COL7A1: variants seen among roughly 807,000 people sequenced by gnomAD.
COL7A1 encodes collagen type VII alpha 1 chain.
Under a neutral mutation model 456.2 loss-of-function variants are expected in COL7A1, and 296 were observed. The observed-to-expected ratio is 0.65, with a 90% confidence interval of 0.59 to 0.71. The LOEUF is 0.71. Ranked by LOEUF, COL7A1 falls within the 30% of genes least tolerant of loss-of-function variation. The pLI, the probability that COL7A1 is intolerant of heterozygous loss-of-function variation, is 0.00. For synonymous variants in COL7A1, 1,464 were observed against 1,525.9 expected (o/e 0.96, Z 0.95); for missense variants, 3,441 against 4,017.2 (o/e 0.86, Z 3.88).
Position 48,593,356 on chromosome 3 carries a change from C to T in COL7A1, c.520G>A (p.Gly174Arg), listed in dbSNP as rs1245411910. 1.9e-6 allele frequency: 3 copies of T among 1,613,996 alleles called. No individual in the cohort carries two copies. The highest frequency in any genetic ancestry group is 1.1e-5 in the South Asian group (1 of 91,082). The change falls in exon 5 of 119, where the codon GGG becomes AGG. Residue 174 changes from glycine to arginine, a missense_variant and splice_region_variant. Physicochemically the swap from Gly to Arg is moderately radical, Grantham distance 125 (BLOSUM62 -2). Around this residue, in one of 3 missense-constraint regions of COL7A1, gnomAD observed 913 missense variants for 1,088.2 expected, o/e 0.84. Transcript: ENST00000681320. The surrounding 1 kb of genome is among the most constrained non-coding windows in gnomAD (Gnocchi z 4.4). Reference protein sequence around the residue: ...KGQGVKLFAVGIKNADPEELK... With the variant: ...KGQGVKLFAVRIKNADPEELK... ...CCTGTCACTCCTGCTCGGTCCTTACCCACAGCAAATAGCTTGACCCCCTGC... is the reference window on the plus strand; with the variant it reads ...CCTGTCACTCCTGCTCGGTCCTTACTCACAGCAAATAGCTTGACCCCCTGC...
Position 48,591,403 on chromosome 3 carries a change from C to CAA in COL7A1, c.1636+60_1636+61insTT, listed in dbSNP as rs936477105. ...GGAAGGAGAGGGCTGGAGGTACACT[C>CAA]AGACCCCTCAGGCTGGAACTTCAGT... On this transcript the variant is annotated intron_variant, in intron 13 of 118. Coordinates refer to ENST00000681320, the MANE Select transcript of COL7A1 (RefSeq NM_000094.4). The surrounding 1 kb of genome is among the most constrained non-coding windows in gnomAD (Gnocchi z 7.0). The CAA allele has an allele frequency of 6.2e-7, 1 of 1,602,608 alleles. No homozygotes were observed. Among genetic ancestry groups the CAA allele is most frequent in the Non-Finnish European group, 8.5e-7 (1 of 1,173,686 alleles).
At position 48,575,622 on chromosome 3, in the gene COL7A1, T is replaced by A. The variant is rs749607047; in HGVS notation, c.5979+4A>T. On this transcript the variant is annotated splice_donor_region_variant and intron_variant, in intron 73 of 118. Coordinates refer to ENST00000681320, the MANE Select transcript of COL7A1 (RefSeq NM_000094.4). This position sits in a 1 kb window ranked among gnomAD's most constrained non-coding sequence, Gnocchi z 6.3. ...GCACAACCCACTGAGCCACTTCTGC[T>A]CACCTCCTTGCCTGGGGGGCCCTGT... is the stretch of plus-strand genomic sequence containing the variant. 1.5e-5 allele frequency: 25 copies of A among 1,613,094 alleles called. No individual in the cohort carries two copies. The highest frequency in any genetic ancestry group is 2.1e-5 in the Non-Finnish European group (25 of 1,180,028).
At position 48,586,801 on chromosome 3, in the gene COL7A1, G is replaced by A; in HGVS notation, c.3277-112C>T. The A allele has an allele frequency of 1.3e-6, 2 of 1,511,234 alleles. No homozygotes were observed. Among genetic ancestry groups the A allele is most frequent in the Non-Finnish European group, 1.8e-6 (2 of 1,115,304 alleles). The allele number at this position is 1,511,234 out of a possible 1,614,324, so 93.6% of individuals were successfully genotyped here. A position where few individuals can be genotyped will look rare whatever the true frequency, so the allele number is the denominator to read the frequency against. On this transcript the variant is annotated intron_variant, in intron 25 of 118. Transcript: ENST00000681320. This position sits in a 1 kb window ranked among gnomAD's most constrained non-coding sequence, Gnocchi z 5.1. Reference sequence around the variant, plus strand: ...GTGTGACCAAACCCTATCTATTAGGGAGTCAGCAGTGATGGCAGGATAGGG... The same window carrying A: ...GTGTGACCAAACCCTATCTATTAGGAAGTCAGCAGTGATGGCAGGATAGGG...
intron 16 of COL7A1, 36 bp from the exon 17 acceptor site, chr3:48,589,754 A>G (rs1414397351): frequency 6.2e-7 from 1 of 1,613,746 alleles, no homozygotes; most frequent in East Asian, 2.2e-5. Context: ...CTGCTGGAAC[A>G]GGCAGGAAGG....
chr3:48,589,079 T>A, intron 18 of COL7A1, 84 bp from the exon 19 acceptor site: 1 of 1,603,518 alleles, frequency 6.2e-7, no homozygotes. Flanking sequence ...GATCTGAAAG[T>A]CAGTGTGAGG....
chr3:48,592,088 C>T lies in COL7A1; in HGVS notation c.1240+14G>A, dbSNP rs1432214401. The T allele has an allele frequency of 6.2e-6, 10 of 1,614,070 alleles. No individual in the cohort carries two copies. Among genetic ancestry groups the T allele is most frequent in the South Asian group, 2.2e-5 (2 of 91,090 alleles). On this transcript the variant is annotated intron_variant, in intron 10 of 118. Coordinates refer to ENST00000681320, the MANE Select transcript of COL7A1 (RefSeq NM_000094.4). The surrounding 1 kb of genome is among the most constrained non-coding windows in gnomAD (Gnocchi z 7.6). ...TGCCCGTCCCAGCCTGAAGAAAGTGCCCAGCCTTCTCACCAGTGCGAGCCA... is the reference window on the plus strand; with the variant it reads ...TGCCCGTCCCAGCCTGAAGAAAGTGTCCAGCCTTCTCACCAGTGCGAGCCA...
Position 48,567,490 on chromosome 3 carries a change from G to C in COL7A1, c.8046+84C>G. ...GTCCCAACCCTCTACAGCCTTCCTT[G>C]TCCCTACACCCCCATGACCCGACCA... On this transcript the variant is annotated intron_variant, in intron 109 of 118. Transcript: ENST00000681320. This position sits in a 1 kb window ranked among gnomAD's most constrained non-coding sequence, Gnocchi z 4.3. The C allele has an allele frequency of 1.3e-6, 2 of 1,578,174 alleles. No homozygotes were observed. Among genetic ancestry groups the C allele is most frequent in the Non-Finnish European group, 1.7e-6 (2 of 1,148,348 alleles).
In COL7A1 at chr3:48,564,933, G is replaced by A. The variant is rs938541239; in HGVS notation, c.8668C>T (p.Leu2890=). ...GTCACAGCCCGATGGTACCAGCGCA[G>A]GGTGTAGGCAGTGCAGGAGCCCTCA... ...LDEGSCTAYT[L]RWYHRAVTGS... The change falls in exon 118 of 119, where the codon CTG becomes TTG. Residue 2890 remains leucine (L), a synonymous_variant. Transcript: ENST00000681320. The surrounding 1 kb of genome is among the most constrained non-coding windows in gnomAD (Gnocchi z 6.0). The A allele has an allele frequency of 1.2e-6, 2 of 1,614,106 alleles. No individual in the cohort carries two copies. The highest frequency in any genetic ancestry group is 1.7e-6 in the Non-Finnish European group (2 of 1,180,044).
rs904476872 is a variant in COL7A1 at position 48,590,240 on chromosome 3, G to T, written c.2023C>A (p.Pro675Thr). 2 of 1,613,646 alleles carry T rather than the reference G, an allele frequency of 1.2e-6. No individual in the cohort carries two copies. Among genetic ancestry groups the T allele is most frequent in the African/African-American group, 2.7e-5 (2 of 74,996 alleles). Residue 675 changes from proline to threonine, a missense_variant, in exon 16 of 119, where the codon CCT (proline) becomes ACT (threonine). This residue lies in a region of COL7A1 where 913 missense variants were observed against 1,088.2 expected (regional missense o/e 0.84). Coordinates refer to ENST00000681320, the MANE Select transcript of COL7A1 (RefSeq NM_000094.4). This position sits in a 1 kb window ranked among gnomAD's most constrained non-coding sequence, Gnocchi z 4.6. Reference protein sequence around the residue: ...VSVLRGREEGPAAVIVARTDP... With the variant: ...VSVLRGREEGTAAVIVARTDP... ...GTTCGAGCCACGATGACTGCAGCAG[G>T]GCCCTCCTCTCTGCCTCGCAGTACC...
chr3:48,571,513 C>G lies in COL7A1; in HGVS notation c.7069-235G>C. The G allele has an allele frequency of 1.4e-6, 1 of 711,108 alleles. No individual in the cohort carries two copies. The highest frequency in any genetic ancestry group is 1.5e-5 in the South Asian group (1 of 66,756). The allele number at this position is 711,108 out of a possible 1,614,324, so 44.0% of individuals were successfully genotyped here. On this transcript the variant is annotated intron_variant, in intron 92 of 118. Coordinates refer to ENST00000681320, the MANE Select transcript of COL7A1 (RefSeq NM_000094.4). This position sits in a 1 kb window ranked among gnomAD's most constrained non-coding sequence, Gnocchi z 4.6. Reference sequence around the variant, plus strand: ...TAGACAGGTGGGAGTTCAGGCATGGCACAGGCACAGGGAGCCCACACGCGA... The same window carrying G: ...TAGACAGGTGGGAGTTCAGGCATGGGACAGGCACAGGGAGCCCACACGCGA...
chr3:48,578,305 C>A lies in COL7A1; in HGVS notation c.5532+16G>T. On this transcript the variant is annotated intron_variant, in intron 65 of 118. Transcript: ENST00000681320. The surrounding 1 kb of genome is among the most constrained non-coding windows in gnomAD (Gnocchi z 4.7). Reference sequence around the variant, plus strand: ...TTCTTGGCAGGTTTCGCCGCAGCTGCCCTGGACACACTCACGTTTTTTCCA... The same window carrying A: ...TTCTTGGCAGGTTTCGCCGCAGCTGACCTGGACACACTCACGTTTTTTCCA... 6.2e-7 allele frequency: 1 copy of A among 1,612,270 alleles called. No individual in the cohort carries two copies. The highest frequency in any genetic ancestry group is 8.5e-7 in the Non-Finnish European group (1 of 1,180,024).
rs202242440 is a variant in COL7A1 at position 48,575,313 on chromosome 3, C to T, written c.6180+26G>A. On this transcript the variant is annotated intron_variant, in intron 74 of 118. Transcript: ENST00000681320. The surrounding 1 kb of genome is among the most constrained non-coding windows in gnomAD (Gnocchi z 6.3). ...ACCCCTCCCAACCCCTCTTCCCTCA[C>T]TCTCCTGGCCAGCCCCCAGCCTCAC... The T allele has an allele frequency of 1.1e-5, 17 of 1,564,098 alleles. No individual in the cohort carries two copies. The East Asian group carries it at 3.6e-4, about 33-fold the overall frequency.
rs1289981393 is a variant in COL7A1 at position 48,583,556 on chromosome 3, C to T, written c.4401G>A (p.Gln1467=). ...LPGQPGSPGE[Q]GPRGPPGAIG... is the part of the protein sequence containing the mutation. ...CAGAATCCCTGGCCCCTCCACTCAC[C>T]TGCTCACCCGGAGACCCAGGTTGTC... Residue 1467 remains glutamine (Q), a splice_region_variant and synonymous_variant, in exon 41 of 119, where the codon CAG becomes CAA. Transcript: ENST00000681320. This position sits in a 1 kb window ranked among gnomAD's most constrained non-coding sequence, Gnocchi z 5.1. 4.3e-6 allele frequency: 7 copies of T among 1,613,982 alleles called. No individual in the cohort carries two copies. The highest frequency in any genetic ancestry group is 5.9e-6 in the Non-Finnish European group (7 of 1,180,036).
At position 48,575,217 on chromosome 3, in the gene COL7A1, C is replaced by G; in HGVS notation, c.6206G>C (p.Arg2069Pro). 1 of 1,614,068 alleles carries G rather than the reference C, an allele frequency of 6.2e-7. No homozygotes were observed. The highest frequency in any genetic ancestry group is 8.5e-7 in the Non-Finnish European group (1 of 1,179,994). Residue 2069 changes from arginine to proline, a missense_variant, in exon 75 of 119, where the codon CGT (arginine) becomes CCT (proline). Physicochemically the swap from Arg to Pro is moderately radical, Grantham distance 103 (BLOSUM62 -2). This residue lies in a region of COL7A1 where 2,084 missense variants were observed against 2,501.3 expected (regional missense o/e 0.83). Transcript: ENST00000681320. This position sits in a 1 kb window ranked among gnomAD's most constrained non-coding sequence, Gnocchi z 6.3. ...CCCATCGCAGCCCACCTGTTCTCCACGTTCTCCTTTCTCTCCCCGTTCTCC... is the reference window on the plus strand; with the variant it reads ...CCCATCGCAGCCCACCTGTTCTCCAGGTTCTCCTTTCTCTCCCCGTTCTCC... Reference protein sequence around the residue: ...ERGERGEKGERGEQGRDGPPG... With the variant: ...ERGERGEKGEPGEQGRDGPPG...
rs1166076875 is a variant in COL7A1 at position 48,564,978 on chromosome 3, G to A, written c.8623C>T (p.Pro2875Ser). 1.2e-6 allele frequency: 2 copies of A among 1,614,058 alleles called. No individual in the cohort carries two copies. The highest frequency in any genetic ancestry group is 1.6e-4 in the Middle Eastern group (1 of 6,084). The change falls in exon 118 of 119, where the codon CCC becomes TCC. Residue 2875 changes from proline to serine, a missense_variant and splice_region_variant. Physicochemically the swap from Pro to Ser is moderately conservative, Grantham distance 74. Transcript: ENST00000681320. The surrounding 1 kb of genome is among the most constrained non-coding windows in gnomAD (Gnocchi z 6.0). Reference protein sequence around the residue: ...DPEAPWDSDDPCSLPLDEGSC... With the variant: ...DPEAPWDSDDSCSLPLDEGSC... Reference sequence around the variant, plus strand: ...CCCTCATCCAGTGGCAGGGAACAGGGGTCTGGGCCAATGGGGTCAAGTCAG... The same window carrying A: ...CCCTCATCCAGTGGCAGGGAACAGGAGTCTGGGCCAATGGGGTCAAGTCAG...
rs772973596 is a variant in COL7A1, at chr3:48,579,219, G to T, written c.5366C>A (p.Ala1789Asp). The T allele has an allele frequency of 3.1e-6, 5 of 1,613,530 alleles. No homozygotes were observed. Among genetic ancestry groups the T allele is most frequent in the African/African-American group, 2.7e-5 (2 of 74,920 alleles). ...GRSGLDGKPG[A>D]AGPSGPNGAA... ...CACATTCGGCCCAGAGGGCCCAGCGGCTCCTGGTTTCCCATCCAGTCCGCT... is the reference window on the plus strand; with the variant it reads ...CACATTCGGCCCAGAGGGCCCAGCGTCTCCTGGTTTCCCATCCAGTCCGCT... Residue 1789 changes from alanine (A) to aspartate (D), a missense_variant, in exon 62 of 119, where the codon GCC becomes GAC. By Grantham distance (126) the Ala-to-Asp change is moderately radical. Around this residue, in one of 3 missense-constraint regions of COL7A1, gnomAD observed 2,084 missense variants for 2,501.3 expected, o/e 0.83. Transcript: ENST00000681320. This position sits in a 1 kb window ranked among gnomAD's most constrained non-coding sequence, Gnocchi z 4.4.
In COL7A1 at chr3:48,574,504, C is replaced by A. The variant is rs760834801; in HGVS notation, c.6440G>T (p.Gly2147Val). ...AGGACTTACCGGGTTGCCGTCCTGA[C>A]CCCTCGGTCCAGGCTCTCCCCGGTC... is the stretch of plus-strand genomic sequence containing the variant. ...KGDRGEPGPRGQDGNPGLPGE... is the reference protein window; with the variant it reads ...KGDRGEPGPRVQDGNPGLPGE... The change falls in exon 79 of 119, where the codon GGT becomes GTT. Residue 2147 changes from glycine (G) to valine (V), a missense_variant. Gly to Val is a moderately radical substitution (Grantham distance 109). This residue lies in a region of COL7A1 where 2,084 missense variants were observed against 2,501.3 expected (regional missense o/e 0.83). Coordinates refer to ENST00000681320, the MANE Select transcript of COL7A1 (RefSeq NM_000094.4). This position sits in a 1 kb window ranked among gnomAD's most constrained non-coding sequence, Gnocchi z 5.0. The A allele has an allele frequency of 6.8e-6, 11 of 1,614,100 alleles. No individual in the cohort carries two copies. Among genetic ancestry groups the A allele is most frequent in the South Asian group, 3.3e-5 (3 of 91,088 alleles).
Position 48,584,295 on chromosome 3 carries a change from C to T in COL7A1, c.4197+3G>A. 1.2e-6 allele frequency: 2 copies of T among 1,606,362 alleles called. No individual in the cohort carries two copies. The highest frequency in any genetic ancestry group is 1.1e-5 in the South Asian group (1 of 90,250). ...CATCACATGGCACTCATGAGGCTGT[C>T]ACCTTCATGGCTGTTCCAGGAAGCC... is the stretch of plus-strand genomic sequence containing the variant. On this transcript the variant is annotated splice_donor_region_variant and intron_variant, in intron 37 of 118. Coordinates refer to ENST00000681320, the MANE Select transcript of COL7A1 (RefSeq NM_000094.4).
chr3:48,592,001 C>T lies in COL7A1; in HGVS notation c.1254G>A (p.Glu418=). ...SLMARTDASV[E]QTLRPVILGP... is the part of the protein sequence containing the mutation. Reference sequence around the variant, plus strand: ...CCAGGATGACCGGGCGCAGGGTCTGCTCAACAGAAGCGTCTGCCCAGGGCA... The same window carrying T: ...CCAGGATGACCGGGCGCAGGGTCTGTTCAACAGAAGCGTCTGCCCAGGGCA... The change falls in exon 11 of 119, where the codon GAG becomes GAA. Residue 418 remains glutamate, a synonymous_variant. Transcript: ENST00000681320. The surrounding 1 kb of genome is among the most constrained non-coding windows in gnomAD (Gnocchi z 7.6). The T allele has an allele frequency of 6.2e-7, 1 of 1,614,208 alleles. No individual in the cohort carries two copies. The highest frequency in any genetic ancestry group is 8.5e-7 in the Non-Finnish European group (1 of 1,180,038).
Sources: allele counts gnomAD v4.1 joint callset, GRCh38; gene constraint gnomAD v4.1.1; regional missense constraint gnomAD v4.1.1; non-coding constraint Gnocchi (gnomAD v3.1); transcripts MANE v1.5; gene names NCBI Gene and HGNC (gene_info 2026-07-23, HGNC 2026-07-21).